NOL4: variants seen among roughly 807,000 people sequenced by gnomAD.
NOL4 encodes the protein nucleolar protein 4.
NOL4 carries 17 observed loss-of-function variants against 75.9 expected under a neutral mutation model. That is an observed-to-expected ratio of 0.22 (90% confidence interval 0.15 to 0.34). The LOEUF (loss-of-function observed/expected upper bound fraction) is 0.34, where lower values mean the gene tolerates loss of function less well. NOL4 is among the 10% of genes least tolerant of loss of function. The probability of loss-of-function intolerance (pLI) is 1.00; values close to 1 mark genes in which losing one functional copy is unlikely to be tolerated. For missense variants in NOL4, 614 were observed against 793.5 expected, an observed-to-expected ratio of 0.77 and a Z score of 2.72; for synonymous variants, 292 against 289.9, an observed-to-expected ratio of 1.01 and a Z score of -0.07.
intron 9 of NOL4, among the ~76,000 whole-genome samples, chr18:33,926,190 T>C (rs778277369): frequency 3.0e-4 from 45 of 151,564 alleles, no homozygotes; most frequent in Non-Finnish European, 5.9e-4. Flanking sequence ...TGAAACCCTG[T>C]CTCTACTAAA....
intron 5 of NOL4, among the ~76,000 whole-genome samples, chr18:34,020,430 A>C (rs919512207): frequency 2.0e-5 from 3 of 152,206 alleles, no homozygotes; most frequent in Non-Finnish European, 4.4e-5. Context: ...TATTAGCTGA[A>C]TGACTGTTTA....
intron 9 of NOL4, among the ~76,000 whole-genome samples, chr18:33,920,654 C>A (rs1421099579): frequency 1.3e-5 from 2 of 152,136 alleles, no homozygotes; most frequent in African/African-American, 2.4e-5. Context: ...TGGGTCCAAT[C>A]AACCATTTTA....
intron 1 of NOL4, among the ~76,000 whole-genome samples, chr18:34,201,991 A>G (rs1437961130): frequency 6.6e-6 from 1 of 151,770 alleles, no homozygotes; most frequent in African/African-American, 2.4e-5. Context: ...ATTTTTTATT[A>G]TCAGCAAATA....
At chr18:33,991,075 C>T (rs540862493) in intron 6 of NOL4, among the ~76,000 whole-genome samples, 1 of 152,112 alleles carries the variant, frequency 6.6e-6, no homozygotes, top group African/African-American at 2.4e-5. Flanking sequence ...ATCTACCAGT[C>T]TCTGCTCACT....
chr18:33,973,587 T>C (rs2071249371), intron 6 of NOL4, among the ~76,000 whole-genome samples: 1 of 152,230 alleles, frequency 6.6e-6, no homozygotes, highest in Non-Finnish European at 1.5e-5. Context: ...AATGTATTCC[T>C]GAAATATAAG....
chr18:34,172,508 C>T (rs944579870), intron 1 of NOL4, among the ~76,000 whole-genome samples: 3 of 152,058 alleles, frequency 2.0e-5, no homozygotes, highest in African/African-American at 7.2e-5. Context: ...GATATCTCTT[C>T]AAGATACTGA....
intron 1 of NOL4, among the ~76,000 whole-genome samples, chr18:34,191,470 G>A (rs919873748): frequency 6.6e-6 from 1 of 151,930 alleles, no homozygotes; most frequent in Admixed American, 6.6e-5. Flanking sequence ...TTTTCCATTT[G>A]GTTCTGAGTC....
At chr18:34,006,643 T>C (rs912069708) in intron 6 of NOL4, among the ~76,000 whole-genome samples, 5 of 152,070 alleles carry the variant, frequency 3.3e-5, no homozygotes, top group African/African-American at 1.2e-4. Flanking sequence ...ATGCATTATC[T>C]ACCTGGGATT....
intron 1 of NOL4, chr18:34,222,364 T>A: frequency 8.2e-7 from 1 of 1,224,436 alleles, no homozygotes; most frequent in South Asian, 2.4e-5. Context: ...GGAGGAGGAA[T>A]CTCCAGGACC....
At chr18:33,990,558 C>G (rs1023150132) in intron 6 of NOL4, among the ~76,000 whole-genome samples, 1 of 150,522 alleles carries the variant, frequency 6.6e-6, no homozygotes, top group African/African-American at 2.5e-5. Context: ...TTGCCAAGGT[C>G]TAGACATTGG....
chr18:34,053,702 G>C (rs1404837661), intron 5 of NOL4, among the ~76,000 whole-genome samples: 1 of 151,856 alleles, frequency 6.6e-6, no homozygotes, highest in East Asian at 1.9e-4. Flanking sequence ...GGTAATATCA[G>C]TTCTATGCTG....
chr18:34,086,799 T>C (rs1045471980), intron 5 of NOL4, among the ~76,000 whole-genome samples: 6 of 152,250 alleles, frequency 3.9e-5, no homozygotes, highest in East Asian at 1.9e-4. Context: ...AGTGTTCATA[T>C]ACATAAGACT....
chr18:33,905,606 AT>A (rs1231158817), intron 9 of NOL4, among the ~76,000 whole-genome samples: 1 of 152,114 alleles, frequency 6.6e-6, no homozygotes. Flanking sequence ...CCACTAACCT[AT>A]CCCCCACTGC....
chr18:33,881,862 G>C (rs1041640524), intron 10 of NOL4, among the ~76,000 whole-genome samples: 3 of 151,964 alleles, frequency 2.0e-5, no homozygotes, highest in African/African-American at 7.2e-5. Flanking sequence ...CAGAGATATA[G>C]ATCAATGGAA....
intron 6 of NOL4, among the ~76,000 whole-genome samples, chr18:34,017,772 C>A (rs912791722): frequency 3.9e-5 from 6 of 152,050 alleles, no homozygotes; most frequent in African/African-American, 1.4e-4. Context: ...TACATTACAC[C>A]CTTCTGATTT....
At chr18:34,079,278 A>T (rs1568314327) in intron 5 of NOL4, among the ~76,000 whole-genome samples, 1 of 152,074 alleles carries the variant, frequency 6.6e-6, no homozygotes, top group Non-Finnish European at 1.5e-5. Flanking sequence ...TATCATTGTT[A>T]AATCTGCTGA....
chr18:33,895,302 C>A (rs1031487305), intron 9 of NOL4, among the ~76,000 whole-genome samples: 1 of 151,890 alleles, frequency 6.6e-6, no homozygotes, highest in Non-Finnish European at 1.5e-5. Flanking sequence ...AAAACTTCCC[C>A]GATCAACATA....
rs753989615 is a variant in NOL4, at chr18:34,075,414, G to T, written c.772+18051C>A. Among the ~76,000 whole-genome samples, 60 of 152,090 alleles carry T rather than the reference G, an allele frequency of 3.9e-4. 1 individual carries two copies. The highest frequency in any genetic ancestry group is 1.6e-4 in the Non-Finnish European group (11 of 68,014). On this transcript the variant is annotated intron_variant, in intron 5 of 10. Transcript: ENST00000261592. ...TATATTGCCACTGAATAGAGCCAAGGGTCTTTTTTCCCTCTGAGAATACTG... is the reference window on the plus strand; with the variant it reads ...TATATTGCCACTGAATAGAGCCAAGTGTCTTTTTTCCCTCTGAGAATACTG...
At chr18:34,216,723 C>T (rs761491429) in intron 1 of NOL4, among the ~76,000 whole-genome samples, 59 of 151,212 alleles carry the variant, frequency 3.9e-4, no homozygotes, top group Middle Eastern at 3.5e-3. Flanking sequence ...ATATGCTTCT[C>T]ATTTATCATT....
Sources: allele counts gnomAD v4.1 joint callset (sites outside exome capture counted in the v4.1 genomes callset), GRCh38; gene constraint gnomAD v4.1.1; transcripts MANE v1.5; gene names NCBI Gene and HGNC (gene_info 2026-07-23, HGNC 2026-07-21).